Variants in PYHIN1 observed in about 807,000 individuals in gnomAD.
The protein encoded by PYHIN1 is pyrin and HIN domain family member 1, also known as pyrin and HIN domain-containing protein 1.
In PYHIN1, 32 loss-of-function variants were observed where a neutral mutation model predicts 43.7. The ratio of observed to expected loss-of-function variants is 0.73; its 90% CI spans 0.55 to 0.98. PYHIN1 has a LOEUF of 0.98. PYHIN1 is among the 50% of genes least tolerant of loss of function. The probability of loss-of-function intolerance (pLI) is 0.00; values close to 1 mark genes in which losing one functional copy is unlikely to be tolerated. For synonymous variants in PYHIN1, 205 were observed against 203.1 expected, an observed-to-expected ratio of 1.01 and a Z score of -0.08; for missense variants, 588 against 589.5, an observed-to-expected ratio of 1.00 and a Z score of 0.03.
At chr1:158,932,409 G>A (rs985591842) in intron 1 of PYHIN1, among the ~76,000 whole-genome samples, 1 of 152,102 alleles carries the variant, frequency 6.6e-6, no homozygotes, top group African/African-American at 2.4e-5. Flanking sequence ...GCGACACACA[G>A]TTTACTCATT....
intron 7 of PYHIN1, among the ~76,000 whole-genome samples, chr1:158,964,414 A>G (rs1345495160): frequency 6.6e-6 from 1 of 152,180 alleles, no homozygotes; most frequent in Non-Finnish European, 1.5e-5. Context: ...CATCCCCAAG[A>G]CACATAATCA....
chr1:158,957,084 A>G (rs938342262), intron 7 of PYHIN1, among the ~76,000 whole-genome samples: 6 of 147,352 alleles, frequency 4.1e-5, no homozygotes, highest in African/African-American at 1.5e-4. Flanking sequence ...CCTACAAACC[A>G]CTGCTCAAGG....
intron 7 of PYHIN1, among the ~76,000 whole-genome samples, chr1:158,956,556 C>G (rs978129910): frequency 1.3e-5 from 2 of 151,678 alleles, no homozygotes; most frequent in African/African-American, 4.9e-5. Flanking sequence ...TTCAACAACC[C>G]TTCATGCTAA....
At chr1:158,964,405 A>T (rs1021834906) in intron 7 of PYHIN1, among the ~76,000 whole-genome samples, 4 of 152,208 alleles carry the variant, frequency 2.6e-5, no homozygotes, top group Admixed American at 6.5e-5. Context: ...CAAAAAGACC[A>T]TCCCCAAGAC....
chr1:158,952,335 C>T (rs947849402), intron 7 of PYHIN1, among the ~76,000 whole-genome samples: 1 of 151,510 alleles, frequency 6.6e-6, no homozygotes, highest in Non-Finnish European at 1.5e-5. Context: ...TGCTTGGCCG[C>T]ACAACTCTGG....
At chr1:158,978,837 T>C (rs1471164666), downstream of PYHIN1, among the ~76,000 whole-genome samples, 1 of 152,184 alleles carries the variant, frequency 6.6e-6, no homozygotes, top group African/African-American at 2.4e-5. Flanking sequence ...CACTCTATCT[T>C]ATATTTTTAT....
At chr1:158,982,738 C>G in the PYHIN1 span, among the ~76,000 whole-genome samples, 1 of 151,958 alleles carries the variant, frequency 6.6e-6, no homozygotes, top group Non-Finnish European at 1.5e-5. Context: ...GAGAATATAG[C>G]CATTTTAACA....
In PYHIN1 at chr1:158,938,309, G is replaced by C. The variant is rs975219740; in HGVS notation, c.266-88G>C. ...TAAAATACACCTGAACCCTCAAGCA[G>C]GAGCTAAGAGCAAATAGTATTGAAA... On this transcript the variant is annotated intron_variant, in intron 2 of 8. Coordinates refer to ENST00000368140, the MANE Select transcript of PYHIN1 (RefSeq NM_152501.5). The C allele has an allele frequency of 3.7e-5, 51 of 1,394,090 alleles. 1 individual carries two copies. The South Asian group carries it at 5.9e-4, about 16-fold the overall frequency. The allele number at this position is 1,394,090 out of a possible 1,614,324, so 86.4% of individuals were successfully genotyped here. A position where few individuals can be genotyped will look rare whatever the true frequency, so the allele number is the denominator to read the frequency against.
At chr1:158,959,308 C>G (rs1347496892) in intron 7 of PYHIN1, among the ~76,000 whole-genome samples, 1 of 148,108 alleles carries the variant, frequency 6.8e-6, no homozygotes, top group Non-Finnish European at 1.5e-5. Flanking sequence ...ACTAGCTGGC[C>G]CTGTGGGTAT....
chr1:158,959,378 G>T (rs927160443), intron 7 of PYHIN1, among the ~76,000 whole-genome samples: 1 of 151,362 alleles, frequency 6.6e-6, no homozygotes, highest in East Asian at 1.9e-4. Flanking sequence ...TGGGTAATTT[G>T]GTTGCCGACC....
intron 8 of PYHIN1, 110 bp downstream of exon 8, chr1:158,973,881 T>C (rs1411812135): frequency 1.6e-6 from 2 of 1,213,922 alleles, no homozygotes; most frequent in African/African-American, 3.1e-5. Flanking sequence ...ATTTCATTAT[T>C]TTACTACATT....
the PYHIN1 span, among the ~76,000 whole-genome samples, chr1:158,990,681 A>G: frequency 6.6e-6 from 1 of 152,134 alleles, no homozygotes; most frequent in Non-Finnish European, 1.5e-5. Flanking sequence ...CCTCCCCTAC[A>G]ACATCCCTAC....
Position 158,944,990 on chromosome 1 carries a change from T to C in PYHIN1, c.1307T>C (p.Leu436Pro). The C allele has an allele frequency of 6.2e-7, 1 of 1,613,842 alleles. No homozygotes were observed. Among genetic ancestry groups the C allele is most frequent in the Non-Finnish European group, 8.5e-7 (1 of 1,179,854 alleles). The change falls in exon 7 of 9, where the codon CTC (leucine) becomes CCC (proline). Residue 436 changes from leucine (L) to proline (P), a missense_variant. Coordinates refer to ENST00000368140, the MANE Select transcript of PYHIN1 (RefSeq NM_152501.5). Reference sequence around the variant, plus strand: ...AGCACAACCCTACCTGAAAGCCATCTCAAGACTCCTCAGATGCCACCAACA... The same window carrying C: ...AGCACAACCCTACCTGAAAGCCATCCCAAGACTCCTCAGATGCCACCAACA... ...EASTTLPESHLKTPQMPPTTP... is the reference protein window; with the variant it reads ...EASTTLPESHPKTPQMPPTTP...
intron 7 of PYHIN1, among the ~76,000 whole-genome samples, chr1:158,955,975 C>G (rs1228081361): frequency 2.2e-5 from 3 of 139,342 alleles, no homozygotes; most frequent in African/African-American, 7.9e-5. Context: ...CTACAAACAC[C>G]TCTATGCAAA....
In PYHIN1 at chr1:158,973,776, C is replaced by T; in HGVS notation, c.*5+5C>T. ...TCCAGCAGTTCCTTAAATAAGGTACCACCTTTCTATTTGCATTGCTGTACC... is the reference window on the plus strand; with the variant it reads ...TCCAGCAGTTCCTTAAATAAGGTACTACCTTTCTATTTGCATTGCTGTACC... On this transcript the variant is annotated splice_donor_5th_base_variant and intron_variant, in intron 8 of 8. Transcript: ENST00000368140. 6.2e-7 allele frequency: 1 copy of T among 1,612,606 alleles called. No homozygotes were observed. The highest frequency in any genetic ancestry group is 8.5e-7 in the Non-Finnish European group (1 of 1,179,100).
chr1:158,990,207 A>G, the PYHIN1 span, among the ~76,000 whole-genome samples: 2 of 149,798 alleles, frequency 1.3e-5, no homozygotes, highest in Non-Finnish European at 2.9e-5. Context: ...GAGCAGTTCT[A>G]GGCTGAAGAA....
intron 7 of PYHIN1, among the ~76,000 whole-genome samples, chr1:158,946,089 T>C (rs1649204164): frequency 6.6e-6 from 1 of 152,244 alleles, no homozygotes. Context: ...ATTTTACAAA[T>C]TTCAGAATTG....
chr1:158,947,657 C>G (rs920526002), intron 7 of PYHIN1, among the ~76,000 whole-genome samples: 4 of 152,252 alleles, frequency 2.6e-5, no homozygotes, highest in African/African-American at 7.2e-5. Flanking sequence ...AGACCCATCA[C>G]AGACACCAAA....
chr1:158,985,114 C>A, the PYHIN1 span, among the ~76,000 whole-genome samples: 5 of 152,074 alleles, frequency 3.3e-5, no homozygotes, highest in Non-Finnish European at 7.4e-5. Flanking sequence ...TCCAACTTAC[C>A]ATTCTGTGCC....
Sources: allele counts gnomAD v4.1 joint callset (sites outside exome capture counted in the v4.1 genomes callset), GRCh38; gene constraint gnomAD v4.1.1; transcripts MANE v1.5; gene names NCBI Gene and HGNC (gene_info 2026-07-23, HGNC 2026-07-21).